The following SNTG1 variants were observed in gnomAD, a reference collection of about 807,000 sequenced individuals.
The protein encoded by SNTG1 is gamma-1-syntrophin.
SNTG1 carries 39 observed loss-of-function variants against 74.7 expected under a neutral mutation model. The ratio of observed to expected loss-of-function variants is 0.52; its 90% CI spans 0.40 to 0.68. The LOEUF is 0.68. SNTG1 is among the 30% of genes least tolerant of loss of function. The pLI is 0.00. For missense variants in SNTG1, 685 were observed against 609.5 expected, an observed-to-expected ratio of 1.12 and a Z score of -1.30; for synonymous variants, 254 against 217.1, an observed-to-expected ratio of 1.17 and a Z score of -1.49.
chr8:50,687,655 T>G (rs1175438493), intron 15 of SNTG1, among the ~76,000 whole-genome samples: 1 of 152,254 alleles, frequency 6.6e-6, no homozygotes, highest in Non-Finnish European at 1.5e-5. Context: ...TGTGCCATGT[T>G]GGTGTGCTGC....
intron 17 of SNTG1, among the ~76,000 whole-genome samples, chr8:50,747,267 G>A (rs1449762823): frequency 1.3e-5 from 2 of 151,954 alleles, no homozygotes; most frequent in African/African-American, 4.8e-5. Context: ...CAATCATGAA[G>A]GGTTATGCTT....
chr8:50,560,207 A>T (rs1472556758), intron 12 of SNTG1, among the ~76,000 whole-genome samples: 1 of 152,218 alleles, frequency 6.6e-6, no homozygotes, highest in African/African-American at 2.4e-5. Flanking sequence ...ATTATTAAAA[A>T]GTCAAGAAGC....
chr8:50,624,819 C>CAAG (rs2094946426), intron 13 of SNTG1, among the ~76,000 whole-genome samples: 1 of 151,996 alleles, frequency 6.6e-6, no homozygotes, highest in Non-Finnish European at 1.5e-5. Flanking sequence ...CTTGAAATGA[C>CAAG]AAGAAGTCAA....
intron 1 of SNTG1, among the ~76,000 whole-genome samples, chr8:50,053,836 T>C (rs1257668150): frequency 6.6e-6 from 1 of 151,990 alleles, no homozygotes; most frequent in Non-Finnish European, 1.5e-5. Flanking sequence ...TGAGCTAAAC[T>C]TCATTTTTCT....
chr8:50,426,624 A>G lies in SNTG1; in HGVS notation c.163-11919A>G, dbSNP rs188723713. 3.2e-3 allele frequency among the ~76,000 whole-genome samples: 482 copies of G among 152,058 alleles called. 3 individuals carry two copies. The highest frequency in any genetic ancestry group is 5.8e-3 in the Non-Finnish European group (395 of 67,942). ...TAAGTAAAAAATGTTACAATAGGCT[A>G]AAGTTAATTTATTACTGAAGAAAGA... On this transcript the variant is annotated intron_variant, in intron 4 of 18. Transcript: ENST00000642720.
intron 2 of SNTG1, among the ~76,000 whole-genome samples, chr8:50,203,598 G>C (rs1165357667): frequency 6.6e-6 from 1 of 152,100 alleles, no homozygotes. Context: ...TTTGTGTGCA[G>C]AAAACCAAGC....
chr8:50,083,963 T>C (rs1822637045), intron 1 of SNTG1, among the ~76,000 whole-genome samples: 1 of 152,210 alleles, frequency 6.6e-6, no homozygotes, highest in Non-Finnish European at 1.5e-5. Context: ...CCTTAATTTG[T>C]TGATGTAACT....
At chr8:50,703,701 A>G (rs2131525572) in intron 15 of SNTG1, among the ~76,000 whole-genome samples, 1 of 152,276 alleles carries the variant, frequency 6.6e-6, no homozygotes, top group Non-Finnish European at 1.5e-5. Context: ...AGACTTACAC[A>G]GCTGTCAGCA....
In SNTG1 at chr8:50,089,978, T is replaced by A. The variant is rs528284248; in HGVS notation, c.-102-82583T>A. 3.3e-3 allele frequency among the ~76,000 whole-genome samples: 499 copies of A among 152,366 alleles called. 7 individuals are homozygous for A. Among genetic ancestry groups the A allele is most frequent in the African/African-American group, 0.011 (471 of 41,588 alleles). ...CACACGAATGTTTATTGCGGCATTATTCACAATATAATTTATTTTAGAAGA... is the reference window on the plus strand; with the variant it reads ...CACACGAATGTTTATTGCGGCATTAATCACAATATAATTTATTTTAGAAGA... On this transcript the variant is annotated intron_variant, in intron 1 of 18. Transcript: ENST00000642720.
chr8:50,605,553 C>G (rs1370310385), intron 13 of SNTG1, among the ~76,000 whole-genome samples: 1 of 151,964 alleles, frequency 6.6e-6, no homozygotes, highest in African/African-American at 2.4e-5. Flanking sequence ...CCGCCAGTCG[C>G]TGTGCTAGTC....
At chr8:50,043,399 C>T (rs1165200918) in intron 1 of SNTG1, among the ~76,000 whole-genome samples, 24 of 152,076 alleles carry the variant, frequency 1.6e-4, no homozygotes, top group Admixed American at 6.5e-5. Context: ...ATATGGCATA[C>T]CAGCAGGAAC....
chr8:50,123,090 C>G (rs779552258), intron 1 of SNTG1, among the ~76,000 whole-genome samples: 1 of 142,070 alleles, frequency 7.0e-6, no homozygotes, highest in Non-Finnish European at 1.6e-5. Context: ...AGTACAAAAT[C>G]TTAGATGCAT....
intron 2 of SNTG1, among the ~76,000 whole-genome samples, chr8:50,209,975 C>T (rs372385569): frequency 6.6e-6 from 1 of 152,086 alleles, no homozygotes; most frequent in Non-Finnish European, 1.5e-5. Context: ...AGCTAAAAAC[C>T]TTGAAAAAAT....
intron 1 of SNTG1, among the ~76,000 whole-genome samples, chr8:50,096,738 C>G (rs1012988143): frequency 2.6e-5 from 4 of 152,136 alleles, no homozygotes; most frequent in African/African-American, 9.6e-5. Context: ...GTAAGTTTGT[C>G]TTTGTTTTTA....
chr8:49,949,309 C>A (rs1016550925), intron 1 of SNTG1, among the ~76,000 whole-genome samples: 1 of 152,166 alleles, frequency 6.6e-6, no homozygotes, highest in African/African-American at 2.4e-5. Flanking sequence ...GCAAACTATT[C>A]TATTTTATTT....
chr8:50,411,400 A>T (rs1046190818), intron 4 of SNTG1, among the ~76,000 whole-genome samples: 4 of 151,236 alleles, frequency 2.6e-5, no homozygotes, highest in African/African-American at 9.7e-5. Flanking sequence ...GTGAGCCGAG[A>T]TCTCTCCACT....
chr8:50,285,930 C>T (rs1300831168), intron 2 of SNTG1, among the ~76,000 whole-genome samples: 1 of 150,962 alleles, frequency 6.6e-6, no homozygotes, highest in East Asian at 1.9e-4. Flanking sequence ...AAATTTGTTT[C>T]ATCAATAACA....
At chr8:50,541,581 A>G (rs1484709018) in intron 11 of SNTG1, among the ~76,000 whole-genome samples, 5 of 152,104 alleles carry the variant, frequency 3.3e-5, no homozygotes, top group African/African-American at 2.4e-5. Context: ...ATCATTTAAT[A>G]CATCCATAGA....
chr8:50,484,462 G>T (rs1328578291), intron 8 of SNTG1, among the ~76,000 whole-genome samples: 3 of 151,490 alleles, frequency 2.0e-5, no homozygotes, highest in Non-Finnish European at 4.4e-5. Flanking sequence ...TGATCTACCT[G>T]TCTCGGCCTC....
Sources: gnomAD v4.1 joint callset for allele counts (sites outside exome capture counted in the v4.1 genomes callset) on GRCh38, gnomAD v4.1.1 for gene constraint, MANE v1.5 for transcripts, NCBI Gene and HGNC (gene_info 2026-07-23, HGNC 2026-07-21) for gene names.